Variants in BBOF1 observed in about 807,000 individuals in gnomAD.
BBOF1 encodes the protein basal body orientation factor 1, also known as basal body-orientation factor 1.
In BBOF1, 62 loss-of-function variants were observed where a neutral mutation model predicts 68.0. The observed-to-expected ratio is 0.91, with a 90% CI of 0.74 to 1.13. The LOEUF (loss-of-function observed/expected upper bound fraction) is 1.13. BBOF1 is among the 50% of genes most tolerant of loss of function. The pLI is 0.00. For synonymous variants in BBOF1, 208 were observed against 198.8 expected (o/e 1.05, Z -0.39); for missense variants, 534 against 600.1 (o/e 0.89, Z 1.15).
chr14:74,057,767 C>A, intron 11 of BBOF1: 1 of 1,110,800 alleles, frequency 9.0e-7, no homozygotes, highest in Non-Finnish European at 1.1e-6. Flanking sequence ...AAAGAAAATA[C>A]TGACTTTTTA....
chr14:74,045,537 G>A (rs2059929800), intron 5 of BBOF1, among the ~76,000 whole-genome samples: 1 of 152,106 alleles, frequency 6.6e-6, no homozygotes, highest in African/African-American at 2.4e-5. Context: ...TTGAACTCCT[G>A]ACCTCAGGTC....
At chr14:74,069,356 C>A (rs565805130), downstream of BBOF1, 115 of 308,222 alleles carry the variant, frequency 3.7e-4, 1 homozygote, top group East Asian at 8.1e-3. Context: ...CTCGCCTTGG[C>A]CTCCCAAAAT....
chr14:74,081,722 C>A (rs2060669545), intron 12 of BBOF1, among the ~76,000 whole-genome samples: 1 of 152,122 alleles, frequency 6.6e-6, no homozygotes, highest in Non-Finnish European at 1.5e-5. Flanking sequence ...CCACAGTATC[C>A]CAGATACTCC....
At chr14:74,063,453 G>A (rs2139749876) in intron 11 of BBOF1, among the ~76,000 whole-genome samples, 1 of 152,026 alleles carries the variant, frequency 6.6e-6, no homozygotes, top group East Asian at 2.0e-4. Context: ...CCAAAGTGCT[G>A]GGATTACAGG....
intron 9 of BBOF1, chr14:74,071,757 A>AT (rs1399280751): frequency 2.6e-5 from 37 of 1,448,410 alleles, no homozygotes; most frequent in Middle Eastern, 3.8e-4. Context: ...GAATACTGCC[A>AT]TTTTTCACAA....
intron 8 of BBOF1, among the ~76,000 whole-genome samples, chr14:74,054,146 T>C (rs2060130277): frequency 6.6e-6 from 1 of 151,362 alleles, no homozygotes; most frequent in Admixed American, 6.6e-5. Context: ...AAAGTGCTAG[T>C]ATTACAGGTG....
At chr14:74,058,578 A>C (rs1369863564) in intron 11 of BBOF1, 1 of 150,156 alleles carries the variant, frequency 6.7e-6, no homozygotes, top group African/African-American at 2.5e-5. Flanking sequence ...TCCACAGGGT[A>C]CACAACATTT....
chr14:74,029,489 C>T (rs1287565034), intron 3 of BBOF1, among the ~76,000 whole-genome samples: 1 of 152,082 alleles, frequency 6.6e-6, no homozygotes, highest in Non-Finnish European at 1.5e-5. Flanking sequence ...CGAGATCAGC[C>T]TGGCCAACAT....
intron 3 of BBOF1, among the ~76,000 whole-genome samples, chr14:74,033,460 G>T (rs1336880526): frequency 2.6e-5 from 4 of 152,004 alleles, no homozygotes; most frequent in Admixed American, 2.6e-4. Context: ...TCCCAGCTAC[G>T]CGGGAGGCTG....
At chr14:74,042,833 C>T (rs2059852724) in intron 5 of BBOF1, among the ~76,000 whole-genome samples, 1 of 150,696 alleles carries the variant, frequency 6.6e-6, no homozygotes, top group Admixed American at 6.7e-5. Context: ...CTCTTTCTCT[C>T]TCTCGCTCTG....
intron 9 of BBOF1, chr14:74,072,447 C>CT: frequency 2.5e-6 from 4 of 1,613,398 alleles, no homozygotes; most frequent in Non-Finnish European, 3.4e-6. Context: ...GCACTATGTG[C>CT]TTTACAACAG....
downstream of BBOF1, chr14:74,068,972 A>C (rs1427633998): frequency 6.2e-7 from 1 of 1,613,876 alleles, no homozygotes; most frequent in African/African-American, 1.3e-5. Context: ...ATCGCAAATA[A>C]AATTTACAGC....
At position 74,023,149 on chromosome 14, in the gene BBOF1, G is replaced by A. The variant is rs778366395; in HGVS notation, c.285+5G>A. 1 of 1,552,024 alleles carries A rather than the reference G, an allele frequency of 6.4e-7. No homozygotes were observed. The highest frequency in any genetic ancestry group is 8.8e-7 in the Non-Finnish European group (1 of 1,141,780). Reference sequence around the variant, plus strand: ...GATCAGGAGAAAGATAATATGGTAGGTAGGTAGAAAGCCTCCTTGGCCTCA... The same window carrying A: ...GATCAGGAGAAAGATAATATGGTAGATAGGTAGAAAGCCTCCTTGGCCTCA... On this transcript the variant is annotated splice_donor_5th_base_variant and intron_variant, in intron 2 of 11. Transcript: ENST00000394009.
intron 2 of BBOF1, among the ~76,000 whole-genome samples, chr14:74,024,498 C>T (rs1298149083): frequency 1.3e-5 from 2 of 152,134 alleles, no homozygotes; most frequent in African/African-American, 4.8e-5. Context: ...CAGGGTCTCT[C>T]TCTATTGCCT....
At chr14:74,072,214 T>C in intron 9 of BBOF1, 1 of 1,614,194 alleles carries the variant, frequency 6.2e-7, no homozygotes, top group East Asian at 2.2e-5. Context: ...AAGTTTTCTT[T>C]AATAAGTTGT....
intron 4 of BBOF1, among the ~76,000 whole-genome samples, chr14:74,039,947 T>C (rs1566802894): frequency 6.6e-6 from 1 of 152,126 alleles, no homozygotes; most frequent in Non-Finnish European, 1.5e-5. Flanking sequence ...ACTTGTATGT[T>C]GATACTAATT....
At chr14:74,071,514 A>G in intron 9 of BBOF1, 1 of 1,613,370 alleles carries the variant, frequency 6.2e-7, no homozygotes, top group Non-Finnish European at 8.5e-7. Context: ...CACAGAAGTC[A>G]GGCCATCAGC....
At chr14:74,068,822 T>C (rs1292056668), downstream of BBOF1, 7 of 1,611,264 alleles carry the variant, frequency 4.3e-6, no homozygotes, top group Admixed American at 1.7e-5. Flanking sequence ...TTTTCATATA[T>C]AGAACAAAGA....
At chr14:74,034,347 C>A (rs1595036382) in intron 4 of BBOF1, among the ~76,000 whole-genome samples, 176 bp downstream of exon 4, 1 of 152,166 alleles carries the variant, frequency 6.6e-6, no homozygotes, top group Non-Finnish European at 1.5e-5. Flanking sequence ...TGACTTTAGA[C>A]TTCTCTTTTT....
Sources: gnomAD v4.1 joint callset for allele counts (sites outside exome capture counted in the v4.1 genomes callset) on GRCh38, gnomAD v4.1.1 for gene constraint, MANE v1.5 for transcripts, NCBI Gene and HGNC (gene_info 2026-07-23, HGNC 2026-07-21) for gene names.